FGF12: variants seen among roughly 807,000 people sequenced by gnomAD.
FGF12 encodes the protein fibroblast growth factor 12, also known as fibroblast growth factor 12B.
In FGF12, 14 loss-of-function variants were observed where a neutral mutation model predicts 23.6. The observed-to-expected ratio is 0.59, with a 90% confidence interval of 0.39 to 0.93. The LOEUF is 0.93. Among genes scored for constraint, FGF12 ranks in the 40% least tolerant of loss-of-function variants. The probability of loss-of-function intolerance (pLI) is 0.00; values close to 1 mark genes in which losing one functional copy is unlikely to be tolerated. For missense variants in FGF12, 175 were observed against 217.8 expected, an observed-to-expected ratio of 0.80 and a Z score of 1.24; for synonymous variants, 62 against 77.3, an observed-to-expected ratio of 0.80 and a Z score of 1.04.
intron 2 of FGF12, among the ~76,000 whole-genome samples, chr3:192,562,787 T>C (rs551622650): frequency 4.0e-5 from 6 of 151,200 alleles, no homozygotes; most frequent in African/African-American, 1.2e-4. Flanking sequence ...CAGGCTGGAG[T>C]GCAGTGGCGC....
intron 2 of FGF12, among the ~76,000 whole-genome samples, chr3:192,528,084 A>T (rs1724995710): frequency 6.6e-6 from 1 of 152,104 alleles, no homozygotes; most frequent in African/African-American, 2.4e-5. Flanking sequence ...CACATATCAA[A>T]GCCAATCAAG....
At chr3:192,708,224 G>A (rs1178404736) in intron 2 of FGF12, among the ~76,000 whole-genome samples, 2 of 152,108 alleles carry the variant, frequency 1.3e-5, no homozygotes, top group African/African-American at 4.8e-5. Flanking sequence ...CTCCCAAAGT[G>A]CTGGGATTAC....
Position 192,483,491 on chromosome 3 carries a change from G to A in FGF12, c.14-122953C>T, listed in dbSNP as rs180837021. On this transcript the variant is annotated intron_variant, in intron 2 of 5. Coordinates refer to ENST00000445105, the MANE Select transcript of FGF12 (RefSeq NM_004113.6). ...TTATGAACAGAATTATGCCTGATAC[G>A]GTTTTATTTCCTCAAGATGCTAAAA... Among the ~76,000 whole-genome samples the A allele has an allele frequency of 1.3e-3, 203 of 152,100 alleles. 1 individual carries two copies. Among genetic ancestry groups the A allele is most frequent in the African/African-American group, 4.7e-3 (194 of 41,508 alleles).
At chr3:192,285,032 A>C (rs1394616024) in intron 4 of FGF12, among the ~76,000 whole-genome samples, 2 of 152,098 alleles carry the variant, frequency 1.3e-5, no homozygotes, top group Non-Finnish European at 1.5e-5. Context: ...ATTCGGATAC[A>C]CATTACAGAG....
At position 192,146,272 on chromosome 3, in the gene FGF12, A is replaced by ATT. The variant is rs10676941; in HGVS notation, c.428-2147_428-2146dup. On this transcript the variant is annotated intron_variant, in intron 5 of 5. Transcript: ENST00000445105. ...TTTTCTAATTTTCATTAAAGTGTAT[A>ATT]TTTTTTTTTTTTTTTTGAGACGGAG... Among the ~76,000 whole-genome samples, 689 of 143,262 alleles carry ATT rather than the reference A, an allele frequency of 4.8e-3. 15 individuals carry two copies. The highest frequency in any genetic ancestry group is 0.017 in the African/African-American group (655 of 38,202). The allele number at this position is 143,262 out of a possible 152,430, so 94.0% of individuals were successfully genotyped here. A position where few individuals can be genotyped will look rare whatever the true frequency, so the allele number is the denominator to read the frequency against.
chr3:192,194,757 A>G (rs1716975212), intron 4 of FGF12, among the ~76,000 whole-genome samples: 1 of 152,196 alleles, frequency 6.6e-6, no homozygotes, highest in African/African-American at 2.4e-5. Context: ...CTACCTAACT[A>G]TAATAAGACT....
chr3:192,615,068 T>C (rs1448338340), intron 2 of FGF12, among the ~76,000 whole-genome samples: 1 of 152,002 alleles, frequency 6.6e-6, no homozygotes, highest in Non-Finnish European at 1.5e-5. Context: ...TCTTCATGTG[T>C]CAAGAGATCT....
chr3:192,213,488 G>T (rs559222805), intron 4 of FGF12, among the ~76,000 whole-genome samples: 2 of 151,700 alleles, frequency 1.3e-5, no homozygotes, highest in East Asian at 3.9e-4. Context: ...CATTTCATTC[G>T]CACAGCCATT....
rs1716210678 is a variant in FGF12, at chr3:192,316,016, G to A, written c.228+19345C>T. Among the ~76,000 whole-genome samples the A allele has an allele frequency of 1.3e-5, 2 of 152,310 alleles. 1 individual carries two copies. The highest frequency in any genetic ancestry group is 2.9e-5 in the Non-Finnish European group (2 of 68,016). On this transcript the variant is annotated intron_variant, in intron 4 of 5. Coordinates refer to ENST00000445105, the MANE Select transcript of FGF12 (RefSeq NM_004113.6). ...ACTGAGAGTTTTGGAGGTAGGGCTG[G>A]CTTTAAGGATAAGAATGAGAACTTG...
At chr3:192,230,725 T>C (rs543914799) in intron 4 of FGF12, among the ~76,000 whole-genome samples, 2 of 152,166 alleles carry the variant, frequency 1.3e-5, no homozygotes, top group Admixed American at 1.3e-4. Flanking sequence ...TTCTTTTTTT[T>C]AATCTCTTTA....
At chr3:192,266,839 C>T (rs1216209163) in intron 4 of FGF12, among the ~76,000 whole-genome samples, 1 of 151,602 alleles carries the variant, frequency 6.6e-6, no homozygotes, top group Non-Finnish European at 1.5e-5. Flanking sequence ...CTACCTCACA[C>T]ATGAACAAAT....
chr3:192,219,417 A>G (rs1718361134), intron 4 of FGF12, among the ~76,000 whole-genome samples: 1 of 152,116 alleles, frequency 6.6e-6, no homozygotes, highest in Non-Finnish European at 1.5e-5. Flanking sequence ...AGAACTGACT[A>G]GTGGTTTTTG....
At chr3:192,629,857 A>G (rs1342216602) in intron 2 of FGF12, among the ~76,000 whole-genome samples, 1 of 152,190 alleles carries the variant, frequency 6.6e-6, no homozygotes, top group African/African-American at 2.4e-5. Context: ...TTCAAGCACA[A>G]TCTGCGAGGA....
At chr3:192,464,499 GGTGT>G (rs34803297) in intron 2 of FGF12, among the ~76,000 whole-genome samples, 26,154 of 132,310 alleles carry the variant, frequency 0.2, 2,573 homozygotes, top group African/African-American at 0.31. Flanking sequence ...AGTATTCCAT[GGTGT>G]GTGTGTGTGT....
chr3:192,622,425 A>G (rs1158896307), intron 2 of FGF12, among the ~76,000 whole-genome samples: 1 of 152,154 alleles, frequency 6.6e-6, no homozygotes, highest in Non-Finnish European at 1.5e-5. Context: ...CAGTACCCTA[A>G]GACACCCAAG....
intron 2 of FGF12, among the ~76,000 whole-genome samples, chr3:192,711,443 G>C (rs1008099789): frequency 1.3e-5 from 2 of 151,720 alleles, no homozygotes; most frequent in East Asian, 3.9e-4. Context: ...CCGTCTGGGA[G>C]GTGTACCCAA....
intron 2 of FGF12, among the ~76,000 whole-genome samples, chr3:192,368,372 G>A (rs1054920176): frequency 1.3e-5 from 2 of 152,168 alleles, no homozygotes; most frequent in African/African-American, 2.4e-5. Flanking sequence ...GTTAGTATAA[G>A]TGCTATGATA....
intron 4 of FGF12, among the ~76,000 whole-genome samples, chr3:192,247,036 G>GGAAGGAAAGAAGGAAGGAAA (rs1229074338): frequency 1.3e-4 from 1 of 7,430 alleles, no homozygotes; most frequent in African/African-American, 7.9e-4. Flanking sequence ...AAGGAAAGAA[G>GGAAGGAAAGAAGGAAGGAAA]GAAGGAAGGA....
intron 4 of FGF12, among the ~76,000 whole-genome samples, chr3:192,240,599 A>G (rs1224032570): frequency 1.3e-5 from 2 of 152,134 alleles, no homozygotes; most frequent in Non-Finnish European, 2.9e-5. Flanking sequence ...TAGATGACCT[A>G]GTGCACAGTG....
Sources: allele counts gnomAD v4.1 joint callset (sites outside exome capture counted in the v4.1 genomes callset), GRCh38; gene constraint gnomAD v4.1.1; transcripts MANE v1.5; gene names NCBI Gene and HGNC (gene_info 2026-07-23, HGNC 2026-07-21).